Variants in WDR27 observed in about 807,000 individuals in gnomAD.
WDR27 encodes the protein WD repeat-containing protein 27.
A neutral mutation model predicts 114.4 loss-of-function variants in WDR27; 100 were observed. The ratio of observed to expected loss-of-function variants is 0.87; its 90% CI spans 0.74 to 1.03. WDR27 has a LOEUF of 1.03. Among genes scored for constraint, WDR27 ranks in the 50% least tolerant of loss-of-function variants. The pLI, the probability that WDR27 is intolerant of heterozygous loss-of-function variation, is 0.00. For missense variants in WDR27, 1,129 were observed against 1,092.9 expected, an observed-to-expected ratio of 1.03 and a Z score of -0.47; for synonymous variants, 449 against 423.1, an observed-to-expected ratio of 1.06 and a Z score of -0.75.
chr6:169,591,379 A>AT (rs145133761), intron 23 of WDR27, among the ~76,000 whole-genome samples: 2,078 of 152,236 alleles, frequency 0.014, 53 homozygotes, highest in African/African-American at 0.048. Context: ...GAAGAGGGTG[A>AT]TTTTCTAATT....
intron 25 of WDR27, among the ~76,000 whole-genome samples, chr6:169,464,015 T>C (rs1424854946): frequency 6.6e-6 from 1 of 152,206 alleles, no homozygotes; most frequent in East Asian, 1.9e-4. Context: ...ATGACATTTT[T>C]TACAGAAGTA....
At chr6:169,497,410 T>C (rs1479871561) in intron 25 of WDR27, among the ~76,000 whole-genome samples, 2 of 152,134 alleles carry the variant, frequency 1.3e-5, no homozygotes, top group African/African-American at 4.8e-5. Flanking sequence ...AATAGGCAAG[T>C]TGGACTTCGT....
intron 25 of WDR27, among the ~76,000 whole-genome samples, chr6:169,497,168 T>C (rs908811935): frequency 1.6e-4 from 24 of 152,028 alleles, no homozygotes; most frequent in Admixed American, 2.0e-4. Context: ...GACCATTAAA[T>C]GGGGAAAAAG....
chr6:169,664,874 C>G (rs1003035912), intron 7 of WDR27: 1 of 987,480 alleles, frequency 1.0e-6, no homozygotes, highest in Non-Finnish European at 1.2e-6. Flanking sequence ...CACACAGGAG[C>G]CGTCCAGGGC....
the WDR27 span, among the ~76,000 whole-genome samples, chr6:169,446,001 G>GTGGCACTTAATGAAAGGGCTC: frequency 2.0e-5 from 3 of 152,246 alleles, no homozygotes; most frequent in African/African-American, 4.8e-5. Context: ...ACAATGAGGT[G>GTGGCACTTAATGAAAGGGCTC]TGGCACTTAA....
intron 25 of WDR27, among the ~76,000 whole-genome samples, chr6:169,524,407 C>T (rs1046651208): frequency 2.0e-5 from 3 of 152,092 alleles, no homozygotes; most frequent in Non-Finnish European, 4.4e-5. Flanking sequence ...CAGTGAAATT[C>T]TTCACAGAAA....
rs570791892 is a variant in WDR27 at position 169,567,328 on chromosome 6, C to T, written c.2645+5091G>A. Reference sequence around the variant, plus strand: ...TTACAGAGAAGGGCACCCTCACAGACGGTCTGCGTGGCAGAACAGTGCATG... The same window carrying T: ...TTACAGAGAAGGGCACCCTCACAGATGGTCTGCGTGGCAGAACAGTGCATG... On this transcript the variant is annotated intron_variant, in intron 25 of 25. Transcript: ENST00000448612. Among the ~76,000 whole-genome samples, 5 of 152,312 alleles carry T rather than the reference C, an allele frequency of 3.3e-5. No homozygotes were observed. In the East Asian group the frequency reaches 5.8e-4, roughly 18 times the overall value.
chr6:169,449,470 A>G, the WDR27 span, among the ~76,000 whole-genome samples: 1 of 152,124 alleles, frequency 6.6e-6, no homozygotes, highest in African/African-American at 2.4e-5. Flanking sequence ...CATGCCTCCA[A>G]CGTGGGAAGG....
intron 23 of WDR27, among the ~76,000 whole-genome samples, chr6:169,588,325 T>C (rs1805044649): frequency 6.6e-6 from 1 of 152,264 alleles, no homozygotes; most frequent in Non-Finnish European, 1.5e-5. Flanking sequence ...TAATAAATTT[T>C]AACTTTTTAA....
intron 25 of WDR27, among the ~76,000 whole-genome samples, chr6:169,526,962 G>T (rs76259766): frequency 4.6e-5 from 7 of 152,122 alleles, no homozygotes; most frequent in Non-Finnish European, 8.8e-5. Flanking sequence ...GTACCACTCC[G>T]CATGAATAGT....
chr6:169,427,612 C>A, the WDR27 span, among the ~76,000 whole-genome samples: 2 of 152,100 alleles, frequency 1.3e-5, no homozygotes, highest in African/African-American at 4.8e-5. Flanking sequence ...GCTGTGTCTG[C>A]AGAGCAGGAG....
intron 25 of WDR27, among the ~76,000 whole-genome samples, chr6:169,546,321 A>G (rs1050485295): frequency 7.2e-5 from 11 of 152,216 alleles, no homozygotes; most frequent in African/African-American, 2.7e-4. Context: ...ACCTGTGTAC[A>G]GCAGCGTTCA....
intron 25 of WDR27, among the ~76,000 whole-genome samples, chr6:169,537,037 C>T (rs2982408): frequency 0.47 from 71,094 of 152,090 alleles, 20,439 homozygotes; most frequent in Non-Finnish European, 0.65. Flanking sequence ...GATAAGGGCT[C>T]TTTTCATAGC....
chr6:169,698,265 ATTCGGCTTCAATGCCTACCTCTGC>A (rs1786794636), intron 1 of WDR27, among the ~76,000 whole-genome samples: 2 of 97,926 alleles, frequency 2.0e-5, no homozygotes, highest in South Asian at 6.8e-4. Flanking sequence ...GCCTCAGTGT[ATTCGGCTTCAATGCCTACCTCTGC>A]CTCAGTGTAC....
Position 169,480,343 on chromosome 6 carries a change from C to T in WDR27, c.2646-22709G>A, listed in dbSNP as rs188346760. On this transcript the variant is annotated intron_variant, in intron 25 of 25. Transcript: ENST00000448612. Reference sequence around the variant, plus strand: ...CCCCTGCCACTCCCGTGAGCTCCCACGTGGCCCGAGCCTCCCTGACGGGCA... The same window carrying T: ...CCCCTGCCACTCCCGTGAGCTCCCATGTGGCCCGAGCCTCCCTGACGGGCA... Among the ~76,000 whole-genome samples, 1,044 of 152,318 alleles carry T rather than the reference C, an allele frequency of 6.9e-3. 43 individuals carry two copies. The highest frequency in any genetic ancestry group is 0.059 in the Admixed American group (904 of 15,302).
intron 25 of WDR27, among the ~76,000 whole-genome samples, chr6:169,533,404 G>A (rs1795841474): frequency 6.6e-6 from 1 of 152,034 alleles, no homozygotes; most frequent in East Asian, 1.9e-4. Flanking sequence ...AAACTTTTTT[G>A]CATGGAAATA....
intron 2 of WDR27, among the ~76,000 whole-genome samples, chr6:169,672,733 G>A (rs892230926): frequency 6.6e-6 from 1 of 152,168 alleles, no homozygotes; most frequent in African/African-American, 2.4e-5. Flanking sequence ...GAAGAATAAG[G>A]AGAGGAATGA....
the WDR27 span, among the ~76,000 whole-genome samples, chr6:169,431,446 G>A: frequency 6.6e-6 from 1 of 152,040 alleles, no homozygotes; most frequent in African/African-American, 2.4e-5. Flanking sequence ...TGCTTTCCCA[G>A]GTCACCTTTC....
chr6:169,479,842 T>G (rs1191458145), intron 25 of WDR27, among the ~76,000 whole-genome samples: 2 of 152,234 alleles, frequency 1.3e-5, no homozygotes, highest in Admixed American at 1.3e-4. Context: ...TTAGTTATTT[T>G]TCCTGATTCT....
Sources: allele counts gnomAD v4.1 joint callset (sites outside exome capture counted in the v4.1 genomes callset), GRCh38; gene constraint gnomAD v4.1.1; transcripts MANE v1.5; gene names NCBI Gene and HGNC (gene_info 2026-07-23, HGNC 2026-07-21).